Variants in CDK19 observed in about 807,000 individuals in gnomAD.
The protein encoded by CDK19 is cyclin dependent kinase 19.
In CDK19, 20 loss-of-function variants were observed where a neutral mutation model predicts 68.3. The observed-to-expected ratio is 0.29, with a 90% CI of 0.21 to 0.43. CDK19 has a LOEUF of 0.43. Ranked by LOEUF, CDK19 falls within the 20% of genes least tolerant of loss-of-function variation. CDK19 has a pLI of 1.00. For missense variants in CDK19, 339 were observed against 623.5 expected, an observed-to-expected ratio of 0.54 and a Z score of 4.86; for synonymous variants, 221 against 222.8, an observed-to-expected ratio of 0.99 and a Z score of 0.07.
intron 1 of CDK19, among the ~76,000 whole-genome samples, chr6:110,760,561 C>T (rs1779164956): frequency 6.6e-6 from 1 of 151,850 alleles, no homozygotes; most frequent in African/African-American, 2.4e-5. Flanking sequence ...GACCCTGTCG[C>T]TACAAAAAAA....
intron 1 of CDK19, among the ~76,000 whole-genome samples, chr6:110,774,261 T>C (rs1392209306): frequency 6.6e-6 from 1 of 152,182 alleles, no homozygotes; most frequent in Non-Finnish European, 1.5e-5. Flanking sequence ...ATTCAACTTT[T>C]TAAATTATGT....
intron 2 of CDK19, among the ~76,000 whole-genome samples, chr6:110,699,053 CAAA>C (rs564638902): frequency 5.5e-5 from 6 of 108,766 alleles, no homozygotes; most frequent in Non-Finnish European, 3.9e-5. Context: ...GACCCTGTCT[CAAA>C]AAAAAAAAAA....
chr6:110,622,212 T>C (rs1186679236), intron 10 of CDK19, 46 bp from the exon 11 acceptor site: 2 of 1,210,722 alleles, frequency 1.7e-6, no homozygotes, highest in South Asian at 1.3e-5. Flanking sequence ...CTAAAATCTG[T>C]AATATCATTA....
At chr6:110,669,608 T>C (rs571711808) in intron 3 of CDK19, among the ~76,000 whole-genome samples, 75 of 152,322 alleles carry the variant, frequency 4.9e-4, no homozygotes, top group Middle Eastern at 6.8e-3. Flanking sequence ...TGGCAAGACC[T>C]TGTCTCTATA....
intron 2 of CDK19, among the ~76,000 whole-genome samples, chr6:110,684,467 C>T (rs1401118754): frequency 2.0e-5 from 3 of 148,530 alleles, no homozygotes; most frequent in East Asian, 3.9e-4. Context: ...GGGTGGGGGA[C>T]GTGGGTGAAA....
intron 2 of CDK19, among the ~76,000 whole-genome samples, chr6:110,674,646 T>TA (rs796944759): frequency 2.5e-4 from 38 of 152,310 alleles, no homozygotes; most frequent in African/African-American, 8.7e-4. Flanking sequence ...CTCACGCCTA[T>TA]AATCCCAGCA....
At chr6:110,681,691 T>C (rs1156251753) in intron 2 of CDK19, among the ~76,000 whole-genome samples, 1 of 152,218 alleles carries the variant, frequency 6.6e-6, no homozygotes, top group African/African-American at 2.4e-5. Flanking sequence ...CAAATGTTTG[T>C]TCAACATGAC....
intron 2 of CDK19, 134 bp from the exon 3 acceptor site, chr6:110,670,675 C>T: frequency 1.5e-6 from 1 of 662,066 alleles, no homozygotes; most frequent in East Asian, 2.8e-5. Context: ...AAAAAAATAC[C>T]ACCCAAAATA....
At position 110,618,798 on chromosome 6, in the gene CDK19, C is replaced by T. The variant is rs542698626; in HGVS notation, c.1377+2306G>A. On this transcript the variant is annotated intron_variant, in intron 12 of 12. Transcript: ENST00000368911. ...CGCAAGACCCTGTAAAACTTCCTTC[C>T]AGCCCCTGCTCTTTGCAGACAGCCC... 1.3e-3 allele frequency among the ~76,000 whole-genome samples: 182 copies of T among 142,760 alleles called. 1 individual carries two copies. Among genetic ancestry groups the T allele is most frequent in the African/African-American group, 4.8e-3 (177 of 37,248 alleles). 93.7% of individuals were successfully genotyped at this position (142,760 alleles called of 152,430 possible).
At chr6:110,644,192 T>A (rs1195827808) in intron 4 of CDK19, among the ~76,000 whole-genome samples, 1 of 151,376 alleles carries the variant, frequency 6.6e-6, no homozygotes, top group African/African-American at 2.4e-5. Flanking sequence ...CTTGGGAGGC[T>A]GAGGCAGGAG....
chr6:110,810,845 C>T (rs575832036), intron 1 of CDK19, among the ~76,000 whole-genome samples: 1 of 151,904 alleles, frequency 6.6e-6, no homozygotes, highest in East Asian at 1.9e-4. Flanking sequence ...TGCACTCCCA[C>T]TTTGTAAATG....
At chr6:110,626,964 T>C (rs771549050) in intron 7 of CDK19, 38 bp downstream of exon 7, 32 of 1,554,584 alleles carry the variant, frequency 2.1e-5, no homozygotes, top group Non-Finnish European at 2.7e-5. Flanking sequence ...TTTTGAAATA[T>C]GACTCAAAAT....
chr6:110,663,024 T>C (rs1407295594), intron 4 of CDK19, among the ~76,000 whole-genome samples: 1 of 152,232 alleles, frequency 6.6e-6, no homozygotes, highest in African/African-American at 2.4e-5. Flanking sequence ...CCAACCTTTA[T>C]GATGATGTAA....
At chr6:110,707,014 A>AAC (rs1554208764) in intron 2 of CDK19, 2 of 151,250 alleles carry the variant, frequency 1.3e-5, no homozygotes, top group Admixed American at 6.6e-5. Context: ...AAAAAAAAAA[A>AAC]AAAACTGAGA....
At chr6:110,702,815 A>G (rs760054635) in intron 2 of CDK19, among the ~76,000 whole-genome samples, 17 of 152,220 alleles carry the variant, frequency 1.1e-4, no homozygotes, top group Non-Finnish European at 2.2e-4. Context: ...AAACGTCATT[A>G]TAAGAAGCCA....
At chr6:110,659,585 T>C (rs1045589124) in intron 4 of CDK19, among the ~76,000 whole-genome samples, 2 of 152,218 alleles carry the variant, frequency 1.3e-5, no homozygotes, top group Non-Finnish European at 2.9e-5. Flanking sequence ...GTACTAATAC[T>C]AGTGATAAGC....
chr6:110,785,703 G>C (rs1004805656), intron 1 of CDK19, among the ~76,000 whole-genome samples: 1 of 152,014 alleles, frequency 6.6e-6, no homozygotes, highest in Non-Finnish European at 1.5e-5. Flanking sequence ...ATCATAGGCC[G>C]GGCGCGGTGG....
At chr6:110,794,429 G>A (rs1341394952) in intron 1 of CDK19, among the ~76,000 whole-genome samples, 6 of 130,922 alleles carry the variant, frequency 4.6e-5, no homozygotes, top group Admixed American at 1.7e-4. Context: ...TTTGAGACGC[G>A]TCTCACTCTG....
Position 110,813,188 on chromosome 6 carries a change from G to A in CDK19, c.128+1821C>T, listed in dbSNP as rs369304699. On this transcript the variant is annotated intron_variant, in intron 1 of 12. Transcript: ENST00000368911. Reference sequence around the variant, plus strand: ...TTCGAATCAAGTACTTTATTAGAGGGGAAAAATATTCAAAAAGAATAGAAG... The same window carrying A: ...TTCGAATCAAGTACTTTATTAGAGGAGAAAAATATTCAAAAAGAATAGAAG... The A allele has an allele frequency of 3.3e-5, 5 of 151,988 alleles. No individual in the cohort carries two copies. In the East Asian group the frequency reaches 7.7e-4, roughly 23 times the overall value. 9.4% of individuals were successfully genotyped at this position (151,988 alleles called of 1,614,324 possible).
Sources: allele counts gnomAD v4.1 joint callset (sites outside exome capture counted in the v4.1 genomes callset), GRCh38; gene constraint gnomAD v4.1.1; transcripts MANE v1.5; gene names NCBI Gene and HGNC (gene_info 2026-07-23, HGNC 2026-07-21).